CAPN13: variants seen among roughly 807,000 people sequenced by gnomAD.
CAPN13 encodes calpain 13.
Under a neutral mutation model 98.4 loss-of-function variants are expected in CAPN13, and 90 were observed. The observed-to-expected ratio is 0.92, with a 90% CI of 0.77 to 1.09. The LOEUF (loss-of-function observed/expected upper bound fraction) is 1.09. CAPN13 is among the 50% of genes least tolerant of loss of function. The pLI is 0.00. For synonymous variants in CAPN13, 330 were observed against 305.5 expected, an observed-to-expected ratio of 1.08 and a Z score of -0.84; for missense variants, 887 against 841.3, an observed-to-expected ratio of 1.05 and a Z score of -0.67.
At position 30,758,790 on chromosome 2, in the gene CAPN13, C is replaced by CCTTTCCTTCCTCCCTCCCTCCCACT. The variant is rs1558314615; in HGVS notation, c.775-654_775-653insAGTGGGAGGGAGGGAGGAAGGAAAG. Among the ~76,000 whole-genome samples, 16 of 100,678 alleles carry CCTTTCCTTCCTCCCTCCCTCCCACT rather than the reference C, an allele frequency of 1.6e-4. No individual in the cohort carries two copies. In the East Asian group the frequency reaches 3.2e-3, roughly 20 times the overall value. The allele number at this position is 100,678 out of a possible 152,430, so 66.0% of individuals were successfully genotyped here. ...CTTTCCTTCCTCCCTCCCTCCCTTT[C>CCTTTCCTTCCTCCCTCCCTCCCACT]CTTTCCTTCCTCCCTCCCTTCCCTT... On this transcript the variant is annotated intron_variant, in intron 7 of 22. Coordinates refer to ENST00000295055, the MANE Select transcript of CAPN13 (RefSeq NM_144575.3).
chr2:30,729,177 C>A (rs1174191746), intron 22 of CAPN13, among the ~76,000 whole-genome samples: 2 of 152,126 alleles, frequency 1.3e-5, no homozygotes, highest in East Asian at 3.8e-4. Context: ...CTTCTTCACC[C>A]TCCTGCCTCC....
At chr2:30,802,663 G>C (rs917148395) in intron 1 of CAPN13, among the ~76,000 whole-genome samples, 2 of 152,048 alleles carry the variant, frequency 1.3e-5, no homozygotes, top group Admixed American at 1.3e-4. Context: ...CTGAGGGCAA[G>C]AAGGAAAGAC....
At chr2:30,755,276 C>T (rs1572822675) in intron 8 of CAPN13, among the ~76,000 whole-genome samples, 1 of 152,152 alleles carries the variant, frequency 6.6e-6, no homozygotes, top group East Asian at 1.9e-4. Context: ...CCCTCTATTC[C>T]AGGTCTTTTG....
intron 15 of CAPN13, among the ~76,000 whole-genome samples, chr2:30,738,852 TGAC>T (rs1284297632): frequency 2.1e-5 from 3 of 141,902 alleles, no homozygotes; most frequent in African/African-American, 8.0e-5. Context: ...GGAAAAACTA[TGAC>T]TACTGTGTGC....
intron 8 of CAPN13, among the ~76,000 whole-genome samples, chr2:30,755,196 T>A (rs1342386531): frequency 6.6e-6 from 1 of 152,002 alleles, no homozygotes; most frequent in East Asian, 1.9e-4. Context: ...CTCAGTTCTG[T>A]AACCTGCTCT....
Position 30,758,810 on chromosome 2 carries a change from TCCCTTCCTC to T in CAPN13, c.775-682_775-674del, listed in dbSNP as rs1558314742. Among the ~76,000 whole-genome samples the T allele has an allele frequency of 9.8e-3, 337 of 34,430 alleles. 4 individuals carry two copies. The highest frequency in any genetic ancestry group is 0.074 in the Middle Eastern group (4 of 54). The allele number at this position is 34,430 out of a possible 152,430, so 22.6% of individuals were successfully genotyped here. On this transcript the variant is annotated intron_variant, in intron 7 of 22. Transcript: ENST00000295055. ...CCTTTCCTTTCCTTCCTCCCTCCCTTCCCTTCCTCCCTTCCTTCCTCCCTTCCTTCTTTC... is the reference window on the plus strand; with the variant it reads ...CCTTTCCTTTCCTTCCTCCCTCCCTTCCTTCCTTCCTCCCTTCCTTCTTTC...
chr2:30,772,822 CT>C (rs34192316), intron 4 of CAPN13, among the ~76,000 whole-genome samples: 94,195 of 137,520 alleles, frequency 0.68, 31,480 homozygotes, highest in Admixed American at 0.74. Flanking sequence ...GAGAGCATTT[CT>C]TTTTTTTTTT....
In CAPN13 at chr2:30,732,645, T is replaced by G; in HGVS notation, c.1799-79A>C. On this transcript the variant is annotated intron_variant, in intron 19 of 22. Transcript: ENST00000295055. The stretch of plus-strand genomic sequence containing the variant: ...TCTGCCTCTCAGGGTCTGAGACACC[T>G]GTTCAGAGGGCCCGGCCACCTCCCA... 3.3e-6 allele frequency: 5 copies of G among 1,520,668 alleles called. 1 individual carries two copies. In the South Asian group the frequency reaches 6.1e-5, roughly 19 times the overall value. 94.2% of individuals were successfully genotyped at this position (1,520,668 alleles called of 1,614,324 possible).
intron 1 of CAPN13, among the ~76,000 whole-genome samples, chr2:30,796,004 T>C (rs1205668605): frequency 6.6e-6 from 1 of 151,644 alleles, no homozygotes; most frequent in Non-Finnish European, 1.5e-5. Flanking sequence ...ATACTTTGAG[T>C]ACTTAGGAAA....
chr2:30,740,185 C>T (rs760999655), intron 15 of CAPN13, among the ~76,000 whole-genome samples: 7 of 149,048 alleles, frequency 4.7e-5, no homozygotes, highest in Middle Eastern at 3.3e-3. Flanking sequence ...ACCTCTGCCT[C>T]GTGGGTTCAG....
At chr2:30,776,600 T>G (rs1017231399) in intron 3 of CAPN13, among the ~76,000 whole-genome samples, 5 of 152,194 alleles carry the variant, frequency 3.3e-5, no homozygotes, top group African/African-American at 1.2e-4. Context: ...ATTCGCGTTT[T>G]TCTTTGCTGT....
chr2:30,748,396 G>T (rs560196322), intron 11 of CAPN13, among the ~76,000 whole-genome samples: 8 of 152,336 alleles, frequency 5.3e-5, no homozygotes, highest in South Asian at 4.1e-4. Flanking sequence ...TTCTTGGAAG[G>T]ACAGCTCACA....
chr2:30,731,388 T>C lies in CAPN13; in HGVS notation c.1939A>G (p.Asn647Asp). ...AGTCCTTTTCCATCCTTAGAGAGGTTGCGGAAGGTCTCTAGGATAAAGAAG... is the reference window on the plus strand; with the variant it reads ...AGTCCTTTTCCATCCTTAGAGAGGTCGCGGAAGGTCTCTAGGATAAAGAAG... Reference protein sequence around the residue: ...RLEAMAKTFRNLSKDGKGLYL... With the variant: ...RLEAMAKTFRDLSKDGKGLYL... Residue 647 changes from asparagine (N) to aspartate (D), a missense_variant, in exon 21 of 23, where the codon AAC becomes GAC. Physicochemically the swap from Asn to Asp is conservative, Grantham distance 23 (BLOSUM62 1). Transcript: ENST00000295055. The C allele has an allele frequency of 6.2e-7, 1 of 1,610,448 alleles. No homozygotes were observed.
intron 4 of CAPN13, among the ~76,000 whole-genome samples, chr2:30,773,492 G>A (rs1673517873): frequency 6.6e-6 from 1 of 152,132 alleles, no homozygotes; most frequent in South Asian, 2.1e-4. Context: ...AAGTGAGCAT[G>A]AAATTAATAA....
At chr2:30,776,990 T>A (rs1490171813) in intron 3 of CAPN13, among the ~76,000 whole-genome samples, 1 of 152,244 alleles carries the variant, frequency 6.6e-6, no homozygotes, top group Admixed American at 6.5e-5. Flanking sequence ...TTTGAAAGCT[T>A]AGAGTGTATT....
intron 15 of CAPN13, among the ~76,000 whole-genome samples, chr2:30,738,779 AC>A (rs1671509866): frequency 6.6e-6 from 1 of 152,192 alleles, no homozygotes; most frequent in Non-Finnish European, 1.5e-5. Flanking sequence ...CAGGGTAAGT[AC>A]TGTTGAATGA....
intron 6 of CAPN13, among the ~76,000 whole-genome samples, 193 bp from the exon 7 acceptor site, chr2:30,763,349 T>C (rs1672941806): frequency 6.6e-6 from 1 of 152,226 alleles, no homozygotes; most frequent in African/African-American, 2.4e-5. Context: ...AGGGATTTCA[T>C]GCCTCAGGGC....
rs531078913 is a variant in CAPN13, at chr2:30,740,777, T to C, written c.1536+1131A>G. 4.6e-5 allele frequency among the ~76,000 whole-genome samples: 7 copies of C among 152,366 alleles called. No homozygotes were observed. The East Asian group carries it at 1.4e-3, about 29-fold the overall frequency. On this transcript the variant is annotated intron_variant, in intron 15 of 22. Coordinates refer to ENST00000295055, the MANE Select transcript of CAPN13 (RefSeq NM_144575.3). ...TCACATATGGCAAACATTTTTATTT[T>C]AGAGGTACAGGTGCATGGGCCATGT...
chr2:30,762,940 G>T (rs919864851), intron 7 of CAPN13, 142 bp downstream of exon 7: 3 of 594,590 alleles, frequency 5.0e-6, no homozygotes, highest in African/African-American at 1.9e-5. Flanking sequence ...TGTCCATGGT[G>T]CATGTCACCA....
Sources: allele counts gnomAD v4.1 joint callset (sites outside exome capture counted in the v4.1 genomes callset), GRCh38; gene constraint gnomAD v4.1.1; transcripts MANE v1.5; gene names NCBI Gene and HGNC (gene_info 2026-07-23, HGNC 2026-07-21).